The following TBX18 variants were observed in gnomAD, a reference collection of about 807,000 sequenced individuals.
The protein encoded by TBX18 is T-box transcription factor TBX18.
Under a neutral mutation model 55.0 loss-of-function variants are expected in TBX18, and 21 were observed. The observed-to-expected ratio is 0.38, with a 90% CI of 0.27 to 0.55. The LOEUF (loss-of-function observed/expected upper bound fraction) is 0.55, where lower values mean the gene tolerates loss of function less well. Among genes scored for constraint, TBX18 ranks in the 20% least tolerant of loss-of-function variants. The pLI is 0.73. For missense variants in TBX18, 840 were observed against 799.6 expected, an observed-to-expected ratio of 1.05 and a Z score of -0.61; for synonymous variants, 342 against 326.1, an observed-to-expected ratio of 1.05 and a Z score of -0.53.
chr6:84,757,019 T>A, intron 3 of TBX18, 150 bp from the exon 4 acceptor site: 6 of 777,184 alleles, frequency 7.7e-6, no homozygotes, highest in Non-Finnish European at 1.2e-5. Flanking sequence ...CAAGCGCTTT[T>A]CCAAACCACT....
At chr6:84,760,632 G>A (rs909022568) in intron 2 of TBX18, among the ~76,000 whole-genome samples, 2 of 152,072 alleles carry the variant, frequency 1.3e-5, no homozygotes, top group Non-Finnish European at 2.9e-5. Flanking sequence ...AGGGAGTAAT[G>A]GCACAAAAGA....
At chr6:84,745,320 C>T (rs1428753345) in intron 5 of TBX18, among the ~76,000 whole-genome samples, 12 of 151,988 alleles carry the variant, frequency 7.9e-5, no homozygotes, top group South Asian at 4.1e-4. Flanking sequence ...TCCACTTTGC[C>T]CAGAGGAATT....
At chr6:84,744,037 T>G (rs1767114580) in intron 6 of TBX18, among the ~76,000 whole-genome samples, 1 of 152,166 alleles carries the variant, frequency 6.6e-6, no homozygotes, top group African/African-American at 2.4e-5. Context: ...GTGTACATCC[T>G]GAGAGCTTCG....
chr6:84,758,832 G>A (rs1475501015), intron 3 of TBX18, among the ~76,000 whole-genome samples: 3 of 152,116 alleles, frequency 2.0e-5, no homozygotes, highest in African/African-American at 7.2e-5. Flanking sequence ...TTCTTCTTGG[G>A]AAGCAATATA....
chr6:84,755,723 C>T (rs1418442406), intron 4 of TBX18, among the ~76,000 whole-genome samples: 1 of 152,182 alleles, frequency 6.6e-6, no homozygotes, highest in Non-Finnish European at 1.5e-5. Context: ...TCTTAAAAAT[C>T]CACCTACTGC....
chr6:84,753,095 G>A (rs1222718517), intron 4 of TBX18, among the ~76,000 whole-genome samples: 1 of 152,124 alleles, frequency 6.6e-6, no homozygotes, highest in Non-Finnish European at 1.5e-5. Context: ...CCAGCATAAA[G>A]CTCGCTATGG....
At chr6:84,760,217 G>T (rs78099179) in intron 3 of TBX18, 38 bp downstream of exon 3, 1 of 1,068,500 alleles carries the variant, frequency 9.4e-7, no homozygotes, top group Non-Finnish European at 1.3e-6. Context: ...AAATCCTAGT[G>T]TTTTTTTTTT....
chr6:84,762,109 A>C (rs1014358705), intron 2 of TBX18, among the ~76,000 whole-genome samples: 1 of 152,206 alleles, frequency 6.6e-6, no homozygotes, highest in Non-Finnish European at 1.5e-5. Flanking sequence ...AAATCTGAAA[A>C]AGCAAATCAT....
Position 84,764,217 on chromosome 6 carries a change from A to AT in TBX18, c.-37dup. ...CCGCGCCCGCCCGCCCCTCTCTCATATACACTCACGCGGGCACACGCGCGC... is the reference window on the plus strand; with the variant it reads ...CCGCGCCCGCCCGCCCCTCTCTCATATTACACTCACGCGGGCACACGCGCGC... On this transcript the variant is annotated 5_prime_UTR_variant, in exon 1 of 8. Transcript: ENST00000369663. 7.2e-7 allele frequency: 1 copy of AT among 1,392,070 alleles called. No individual in the cohort carries two copies. The highest frequency in any genetic ancestry group is 9.2e-7 in the Non-Finnish European group (1 of 1,083,258). The allele number at this position is 1,392,070 out of a possible 1,614,324, so 86.2% of individuals were successfully genotyped here. A position where few individuals can be genotyped will look rare whatever the true frequency, so the allele number is the denominator to read the frequency against.
chr6:84,754,474 T>A (rs1222987335), intron 4 of TBX18, among the ~76,000 whole-genome samples: 2 of 152,226 alleles, frequency 1.3e-5, no homozygotes, highest in African/African-American at 4.8e-5. Context: ...TACATCCTGC[T>A]ACAACCTTAA....
In TBX18 at chr6:84,745,247, T is replaced by C. The variant is rs1248327733; in HGVS notation, c.940-922A>G. ...TTTAATTATCTCCATTAATAGTTTT[T>C]TTAGTTATGCCATCCTGAACTTGAC... On this transcript the variant is annotated intron_variant, in intron 5 of 7. Transcript: ENST00000369663. Among the ~76,000 whole-genome samples, 3 of 152,136 alleles carry C rather than the reference T, an allele frequency of 2.0e-5. No individual in the cohort carries two copies. The East Asian group carries it at 5.8e-4, about 29-fold the overall frequency.
chr6:84,742,324 T>C (rs1184126333), intron 6 of TBX18: 8 of 152,088 alleles, frequency 5.3e-5, no homozygotes, highest in African/African-American at 1.4e-4. Context: ...ACTCCTGAAA[T>C]AGCCAAAGGG....
At chr6:84,739,803 G>T (rs1432709219) in intron 6 of TBX18, among the ~76,000 whole-genome samples, 3 of 152,156 alleles carry the variant, frequency 2.0e-5, no homozygotes, top group Non-Finnish European at 4.4e-5. Context: ...AACACCAGAG[G>T]TAAGTGATTT....
chr6:84,752,297 C>T (rs1387720293), intron 4 of TBX18, among the ~76,000 whole-genome samples: 2 of 152,036 alleles, frequency 1.3e-5, no homozygotes, highest in Non-Finnish European at 2.9e-5. Context: ...AATAAGAAAA[C>T]ACTCCCTGCT....
At chr6:84,759,413 C>T (rs529001080) in intron 3 of TBX18, among the ~76,000 whole-genome samples, 38 of 152,086 alleles carry the variant, frequency 2.5e-4, no homozygotes, top group African/African-American at 8.4e-4. Flanking sequence ...GAGAAAGAAA[C>T]GAAGACAAGC....
At chr6:84,748,690 G>A (rs1320372184) in intron 4 of TBX18, among the ~76,000 whole-genome samples, 2 of 152,190 alleles carry the variant, frequency 1.3e-5, no homozygotes, top group Admixed American at 6.5e-5. Flanking sequence ...GCAGAGAACA[G>A]AAAAGCTGGC....
In TBX18 at chr6:84,756,860, G is replaced by A. The variant is rs1767505374; in HGVS notation, c.609C>T (p.Tyr203=). ...CTGCCACCATCCATTTCGAACTGTG[G>A]TAAACATACCTAGAAGGCAATGACC... ...PVDNKRYRYV[Y]HSSKWMVAGN... Residue 203 remains tyrosine, a synonymous_variant, in exon 4 of 8, where the codon TAC becomes TAT. Coordinates refer to ENST00000369663, the MANE Select transcript of TBX18 (RefSeq NM_001080508.3). 8 of 1,613,888 alleles carry A rather than the reference G, an allele frequency of 5.0e-6. No individual in the cohort carries two copies. The highest frequency in any genetic ancestry group is 6.8e-6 in the Non-Finnish European group (8 of 1,179,928).
intron 5 of TBX18, among the ~76,000 whole-genome samples, chr6:84,746,256 CAGAA>C (rs1315644343): frequency 6.6e-6 from 1 of 151,792 alleles, no homozygotes; most frequent in African/African-American, 2.4e-5. Flanking sequence ...GGAAGAGAGA[CAGAA>C]AGAGGTGACG....
intron 4 of TBX18, among the ~76,000 whole-genome samples, chr6:84,754,947 T>C (rs2127878892): frequency 6.6e-6 from 1 of 152,268 alleles, no homozygotes; most frequent in African/African-American, 2.4e-5. Flanking sequence ...GATTTCGGAC[T>C]TGTCAGGACC....
Sources: gnomAD v4.1 joint callset for allele counts (sites outside exome capture counted in the v4.1 genomes callset) on GRCh38, gnomAD v4.1.1 for gene constraint, MANE v1.5 for transcripts, NCBI Gene and HGNC (gene_info 2026-07-23, HGNC 2026-07-21) for gene names.